LRP11: variants seen among roughly 807,000 people sequenced by gnomAD.
LRP11 encodes low-density lipoprotein receptor-related protein 11.
LRP11 carries 25 observed loss-of-function variants against 43.1 expected under a neutral mutation model. The ratio of observed to expected loss-of-function variants is 0.58; its 90% CI spans 0.42 to 0.81. The LOEUF (loss-of-function observed/expected upper bound fraction) is 0.81, where lower values mean the gene tolerates loss of function less well. Among genes scored for constraint, LRP11 ranks in the 30% least tolerant of loss-of-function variants. The pLI is 0.00. For synonymous variants in LRP11, 316 were observed against 299.4 expected, an observed-to-expected ratio of 1.06 and a Z score of -0.57; for missense variants, 623 against 665.1, an observed-to-expected ratio of 0.94 and a Z score of 0.70.
At chr6:149,832,325 G>GACA (rs1776418586) in intron 5 of LRP11, among the ~76,000 whole-genome samples, 1 of 151,302 alleles carries the variant, frequency 6.6e-6, no homozygotes, top group African/African-American at 2.4e-5. Flanking sequence ...CTGAGTAGCT[G>GACA]GGATTACAGG....
intron 6 of LRP11, among the ~76,000 whole-genome samples, chr6:149,823,316 T>C (rs1338021344): frequency 1.3e-5 from 2 of 152,140 alleles, no homozygotes; most frequent in Non-Finnish European, 2.9e-5. Context: ...TTAAGAAATC[T>C]GAACATGATC....
In LRP11 at chr6:149,863,823, C is replaced by A; in HGVS notation, c.198G>T (p.Leu66=). 1 of 1,509,974 alleles carries A rather than the reference C, an allele frequency of 6.6e-7. No individual in the cohort carries two copies. The allele number at this position is 1,509,974 out of a possible 1,614,324, so 93.5% of individuals were successfully genotyped here. The change falls in exon 1 of 7, where the codon CTG becomes CTT. Residue 66 remains leucine (L), a synonymous_variant. Coordinates refer to ENST00000239367, the MANE Select transcript of LRP11 (RefSeq NM_032832.6). ...GCTCCTCCTGAGGCCGCTCCTGCTGCAGTTGCCGGCGGAACTCCTCCAGCA... is the reference window on the plus strand; with the variant it reads ...GCTCCTCCTGAGGCCGCTCCTGCTGAAGTTGCCGGCGGAACTCCTCCAGCA... ...EQLLEEFRRQ[L]QQERPQEELE... is the part of the protein sequence containing the mutation.
intron 3 of LRP11, among the ~76,000 whole-genome samples, chr6:149,840,891 G>A (rs947144038): frequency 6.6e-6 from 1 of 152,210 alleles, no homozygotes; most frequent in Non-Finnish European, 1.5e-5. Flanking sequence ...AATGTTTTGA[G>A]TAGCTGGCTG....
chr6:149,830,294 A>C (rs1776393179), intron 5 of LRP11, among the ~76,000 whole-genome samples: 1 of 152,168 alleles, frequency 6.6e-6, no homozygotes, highest in African/African-American at 2.4e-5. Flanking sequence ...TACAGGCATG[A>C]GCCACCGTGC....
At position 149,823,156 on chromosome 6, in the gene LRP11, A is replaced by G. The variant is rs569454468; in HGVS notation, c.1349-2453T>C. The stretch of plus-strand genomic sequence containing the variant: ...GAGTGGGCTTTTGGAAGCTGAGGAA[A>G]GAGACGTCCAAGAAGAAAGTCCTCA... On this transcript the variant is annotated intron_variant, in intron 6 of 6. Coordinates refer to ENST00000239367, the MANE Select transcript of LRP11 (RefSeq NM_032832.6). Among the ~76,000 whole-genome samples, 10 of 152,322 alleles carry G rather than the reference A, an allele frequency of 6.6e-5. No homozygotes were observed. The East Asian group carries it at 1.9e-3, about 29-fold the overall frequency.
chr6:149,822,760 G>A (rs1433449923), intron 6 of LRP11, among the ~76,000 whole-genome samples: 2 of 152,180 alleles, frequency 1.3e-5, no homozygotes, highest in African/African-American at 2.4e-5. Context: ...AATAAAATAG[G>A]TGGTCCATCT....
chr6:149,843,630 C>T (rs1776585460), intron 2 of LRP11, among the ~76,000 whole-genome samples: 1 of 152,164 alleles, frequency 6.6e-6, no homozygotes, highest in Non-Finnish European at 1.5e-5. Context: ...AACACTGACA[C>T]ATCGACTCAT....
At chr6:149,844,451 C>T (rs1488037633) in intron 2 of LRP11, among the ~76,000 whole-genome samples, 1 of 152,172 alleles carries the variant, frequency 6.6e-6, no homozygotes. Context: ...CTCTGCTCTC[C>T]CAACATTCAC....
At chr6:149,861,315 C>T (rs561155724) in intron 1 of LRP11, among the ~76,000 whole-genome samples, 63 of 152,320 alleles carry the variant, frequency 4.1e-4, no homozygotes, top group African/African-American at 1.2e-3. Context: ...GCCGCACCTT[C>T]CGCGTTTCCA....
intron 6 of LRP11, among the ~76,000 whole-genome samples, chr6:149,825,256 T>C (rs1776324109): frequency 6.6e-6 from 1 of 152,200 alleles, no homozygotes; most frequent in African/African-American, 2.4e-5. Context: ...TAAAGGATGG[T>C]TTCCAAAGTC....
At chr6:149,836,413 T>A in intron 4 of LRP11, 116 bp from the exon 5 acceptor site, 1 of 831,734 alleles carries the variant, frequency 1.2e-6, no homozygotes, top group Non-Finnish European at 1.9e-6. Flanking sequence ...AACAGCCCAC[T>A]CATCTAAGAC....
chr6:149,824,241 C>T (rs569810271), intron 6 of LRP11, among the ~76,000 whole-genome samples: 5 of 152,188 alleles, frequency 3.3e-5, no homozygotes, highest in East Asian at 1.9e-4. Context: ...ATCCCAATGC[C>T]GGGGCTCAGG....
At chr6:149,830,695 ACTTT>A (rs964798871) in intron 5 of LRP11, among the ~76,000 whole-genome samples, 3 of 152,228 alleles carry the variant, frequency 2.0e-5, no homozygotes, top group Admixed American at 6.5e-5. Context: ...ATTAAAGAGC[ACTTT>A]CTTTCTTTAA....
intron 5 of LRP11, among the ~76,000 whole-genome samples, chr6:149,833,329 G>C (rs567546252): frequency 6.6e-6 from 1 of 152,188 alleles, no homozygotes; most frequent in Non-Finnish European, 1.5e-5. Flanking sequence ...GACAGCAGAG[G>C]GGGAGGGCAG....
chr6:149,834,146 C>T (rs528431552), intron 5 of LRP11, among the ~76,000 whole-genome samples: 43 of 152,100 alleles, frequency 2.8e-4, no homozygotes, highest in Admixed American at 2.1e-3. Flanking sequence ...TCTGTTCCTG[C>T]GTTAGTTTGC....
chr6:149,838,772 T>TA, intron 3 of LRP11, among the ~76,000 whole-genome samples: 1 of 152,190 alleles, frequency 6.6e-6, no homozygotes, highest in East Asian at 1.9e-4. Flanking sequence ...TCATAGGAGC[T>TA]ACAAATATTT....
rs139413831 is a variant in LRP11 at position 149,855,267 on chromosome 6, C to T, written c.614-2107G>A. Among the ~76,000 whole-genome samples the T allele has an allele frequency of 1.5e-4, 23 of 152,318 alleles. 2 individuals are homozygous for T. In the East Asian group the frequency reaches 4.2e-3, roughly 28 times the overall value. ...GACCTCGCCTGGACTTTCTCAGACC[C>T]TAACATCTGATCGAAGGCATTCTTA... On this transcript the variant is annotated intron_variant, in intron 1 of 6. Transcript: ENST00000239367.
At position 149,837,347 on chromosome 6, in the gene LRP11, A is replaced by G; in HGVS notation, c.1030T>C (p.Cys344Arg). The G allele has an allele frequency of 6.2e-7, 1 of 1,613,652 alleles. No individual in the cohort carries two copies. The highest frequency in any genetic ancestry group is 2.2e-5 in the East Asian group (1 of 44,884). ...QCPDGSDEDF[C>R]QNLGLDRKMV... is the part of the protein sequence containing the mutation. ...GACATAGCCAACTCACGATTCTGGC[A>G]GAAGTCTTCATCAGACCCATCAGGA... Residue 344 changes from cysteine to arginine, a missense_variant, in exon 4 of 7, where the codon TGC becomes CGC. Cys to Arg is a radical substitution (Grantham distance 180). Coordinates refer to ENST00000239367, the MANE Select transcript of LRP11 (RefSeq NM_032832.6).
chr6:149,847,220 A>C (rs9383862), intron 2 of LRP11, among the ~76,000 whole-genome samples: 14,874 of 152,158 alleles, frequency 0.098, 1,199 homozygotes, highest in East Asian at 0.47. Context: ...GAAAGGACAG[A>C]GCATCCCTGG....
Sources: allele counts gnomAD v4.1 joint callset (sites outside exome capture counted in the v4.1 genomes callset), GRCh38; gene constraint gnomAD v4.1.1; transcripts MANE v1.5; gene names NCBI Gene and HGNC (gene_info 2026-07-23, HGNC 2026-07-21).